Variants in CADM2 observed in about 807,000 individuals in gnomAD.
The protein encoded by CADM2 is cell adhesion molecule 2, also known as immunoglobulin superfamily member 4D.
CADM2 carries 12 observed loss-of-function variants against 49.8 expected under a neutral mutation model. The observed-to-expected ratio is 0.24, with a 90% CI of 0.15 to 0.39. The LOEUF is 0.39. CADM2 is among the 10% of genes least tolerant of loss of function. The pLI is 1.00. For missense variants in CADM2, 378 were observed against 492.3 expected (o/e 0.77, Z 2.20); for synonymous variants, 214 against 175.4 (o/e 1.22, Z -1.74).
chr3:85,691,979 G>A (rs1340578495), intron 1 of CADM2, among the ~76,000 whole-genome samples: 1 of 128,870 alleles, frequency 7.8e-6, no homozygotes, highest in Non-Finnish European at 1.7e-5. Context: ...CTGTTGTGGG[G>A]TGGGAGAAGG....
intron 7 of CADM2, among the ~76,000 whole-genome samples, chr3:85,946,466 C>T (rs535698158): frequency 1.3e-5 from 2 of 151,836 alleles, no homozygotes; most frequent in Non-Finnish European, 1.5e-5. Context: ...GAGCCCGCAT[C>T]GCCAAGTCAA....
chr3:86,055,442 G>T (rs1372990426), intron 8 of CADM2, among the ~76,000 whole-genome samples: 1 of 147,554 alleles, frequency 6.8e-6, no homozygotes, highest in Non-Finnish European at 1.5e-5. Flanking sequence ...GCAACTCTGG[G>T]CATCCCCTCT....
chr3:85,124,034 C>CT (rs2038949563), intron 1 of CADM2, among the ~76,000 whole-genome samples: 1 of 152,142 alleles, frequency 6.6e-6, no homozygotes, highest in Non-Finnish European at 1.5e-5. Flanking sequence ...GTTGAGCACA[C>CT]TGAGTTATTT....
At position 85,959,027 on chromosome 3, in the gene CADM2, A is replaced by AATCTAT; in HGVS notation, c.792-2427_792-2422dup. 2.9e-5 allele frequency among the ~76,000 whole-genome samples: 4 copies of AATCTAT among 138,908 alleles called. No individual in the cohort carries two copies. In the South Asian group the frequency reaches 9.1e-4, roughly 32 times the overall value. The allele number at this position is 138,908 out of a possible 152,430, so 91.1% of individuals were successfully genotyped here. A position where few individuals can be genotyped will look rare whatever the true frequency, so the allele number is the denominator to read the frequency against. ...TGTTTCGTGGAACTTAAATTAAAAAAATCTATATCTATATCTATATATCTA... is the reference window on the plus strand; with the variant it reads ...TGTTTCGTGGAACTTAAATTAAAAAAATCTATATCTATATCTATATCTATATATCTA... On this transcript the variant is annotated intron_variant, in intron 7 of 9. Transcript: ENST00000383699.
At chr3:85,491,311 T>G (rs1042250595) in intron 1 of CADM2, among the ~76,000 whole-genome samples, 1 of 152,174 alleles carries the variant, frequency 6.6e-6, no homozygotes, top group African/African-American at 2.4e-5. Context: ...ATTTGGAAAT[T>G]TTTTAATAAG....
At chr3:85,006,306 T>C (rs185042543) in intron 1 of CADM2, among the ~76,000 whole-genome samples, 395 of 152,228 alleles carry the variant, frequency 2.6e-3, no homozygotes, top group Non-Finnish European at 3.7e-3. Flanking sequence ...CTTTGGGAAG[T>C]AGATTGGCTG....
intron 1 of CADM2, among the ~76,000 whole-genome samples, chr3:85,552,302 G>T (rs995054904): frequency 3.3e-5 from 5 of 149,400 alleles, no homozygotes; most frequent in African/African-American, 1.2e-4. Context: ...ATAATTTGGA[G>T]ACAGGTGTAC....
At chr3:85,105,564 T>C (rs1057413520) in intron 1 of CADM2, among the ~76,000 whole-genome samples, 2 of 152,122 alleles carry the variant, frequency 1.3e-5, no homozygotes, top group African/African-American at 4.8e-5. Flanking sequence ...GAACTAGAAA[T>C]ACCATTTGAC....
chr3:85,000,422 A>G (rs2033405190), intron 1 of CADM2, among the ~76,000 whole-genome samples: 1 of 151,660 alleles, frequency 6.6e-6, no homozygotes. Flanking sequence ...AGCTATAGAG[A>G]GCATAAGTCC....
At chr3:84,993,499 C>G (rs2033008255) in intron 1 of CADM2, among the ~76,000 whole-genome samples, 1 of 152,124 alleles carries the variant, frequency 6.6e-6, no homozygotes, top group South Asian at 2.1e-4. Flanking sequence ...CTAGTTGACC[C>G]TGTAATCGTC....
chr3:85,693,579 A>AG (rs1185428512), intron 1 of CADM2, among the ~76,000 whole-genome samples: 1 of 148,284 alleles, frequency 6.7e-6, no homozygotes, highest in African/African-American at 2.5e-5. Context: ...AAAAAAAAAA[A>AG]AAAAAGAAAA....
chr3:85,711,066 T>C (rs1577137890), intron 1 of CADM2, among the ~76,000 whole-genome samples: 1 of 152,180 alleles, frequency 6.6e-6, no homozygotes, highest in Non-Finnish European at 1.5e-5. Flanking sequence ...TATATTTTCA[T>C]GTAAACTGTT....
chr3:85,419,395 T>A (rs2107492958), intron 1 of CADM2, among the ~76,000 whole-genome samples: 1 of 152,040 alleles, frequency 6.6e-6, no homozygotes, highest in East Asian at 1.9e-4. Flanking sequence ...GAGGCGGAGC[T>A]TGCAGTGAGC....
intron 1 of CADM2, among the ~76,000 whole-genome samples, chr3:85,306,033 A>G (rs1053976010): frequency 1.3e-5 from 2 of 151,664 alleles, no homozygotes; most frequent in Admixed American, 6.6e-5. Flanking sequence ...GTAGGTCAAA[A>G]CCTAATAATT....
intron 2 of CADM2, among the ~76,000 whole-genome samples, chr3:85,781,947 C>A (rs1464140350): frequency 6.6e-6 from 1 of 152,300 alleles, no homozygotes; most frequent in Non-Finnish European, 1.5e-5. Flanking sequence ...GCACAGGAAG[C>A]ATTTTGAAAT....
chr3:85,467,581 A>G (rs2038553915), intron 1 of CADM2, among the ~76,000 whole-genome samples: 1 of 151,972 alleles, frequency 6.6e-6, no homozygotes, highest in Admixed American at 6.6e-5. Context: ...AAATACCAAC[A>G]CTACAGGACA....
At chr3:85,506,785 A>T (rs1234497109) in intron 1 of CADM2, among the ~76,000 whole-genome samples, 1 of 152,164 alleles carries the variant, frequency 6.6e-6, no homozygotes, top group Non-Finnish European at 1.5e-5. Flanking sequence ...TTCATGAAAG[A>T]TGAAATACTG....
At chr3:85,207,050 ATGTGTGTGTGTGTGTG>A (rs3085116) in intron 1 of CADM2, among the ~76,000 whole-genome samples, 2 of 144,884 alleles carry the variant, frequency 1.4e-5, no homozygotes, top group African/African-American at 2.5e-5. Flanking sequence ...GAAGAAATAA[ATGTGTGTGTGTGTGTG>A]TGTGTGTGTG....
At chr3:85,427,521 C>T (rs2036469384) in intron 1 of CADM2, among the ~76,000 whole-genome samples, 1 of 151,938 alleles carries the variant, frequency 6.6e-6, no homozygotes, top group Non-Finnish European at 1.5e-5. Flanking sequence ...TAATAATACC[C>T]TTTATAAAAG....
Sources: allele counts gnomAD v4.1 joint callset (sites outside exome capture counted in the v4.1 genomes callset), GRCh38; gene constraint gnomAD v4.1.1; transcripts MANE v1.5; gene names NCBI Gene and HGNC (gene_info 2026-07-23, HGNC 2026-07-21).